The following NTM variants were observed in gnomAD, a reference collection of about 807,000 sequenced individuals.
The protein encoded by NTM is IgLON family member 2.
Under a neutral mutation model 42.1 loss-of-function variants are expected in NTM, and 13 were observed. The observed-to-expected ratio is 0.31, with a 90% CI of 0.20 to 0.49. The LOEUF is 0.49. Among genes scored for constraint, NTM ranks in the 20% least tolerant of loss-of-function variants. The pLI, the probability that NTM is intolerant of heterozygous loss-of-function variation, is 0.99. For synonymous variants in NTM, 187 were observed against 179.2 expected (o/e 1.04, Z -0.35); for missense variants, 373 against 452.8 (o/e 0.82, Z 1.60).
In NTM at chr11:131,829,490, G is replaced by A. The variant is rs116203282; in HGVS notation, c.83-82074G>A. Among the ~76,000 whole-genome samples the A allele has an allele frequency of 3.2e-3, 486 of 152,184 alleles. 1 individual carries two copies. The highest frequency in any genetic ancestry group is 0.011 in the African/African-American group (463 of 41,524). On this transcript the variant is annotated intron_variant, in intron 1 of 8. Coordinates refer to ENST00000683400, the MANE Select transcript of NTM (RefSeq NM_001352005.2). ...TCACTTAGGATAATGGTATCCAGCT[G>A]CATACATATTGCTGCAAAGGACATA... is the stretch of plus-strand genomic sequence containing the variant.
chr11:131,433,016 G>C (rs1000679900), intron 1 of NTM, among the ~76,000 whole-genome samples: 1 of 151,284 alleles, frequency 6.6e-6, no homozygotes, highest in African/African-American at 2.4e-5. Flanking sequence ...CACCACGCCC[G>C]GCTAATTTTT....
At chr11:131,387,375 C>G (rs1230643766) in intron 1 of NTM, among the ~76,000 whole-genome samples, 1 of 152,130 alleles carries the variant, frequency 6.6e-6, no homozygotes, top group Non-Finnish European at 1.5e-5. Flanking sequence ...ATCGCCCCAC[C>G]AAACACTGAA....
At chr11:132,303,451 T>A (rs2140140043) in intron 4 of NTM, among the ~76,000 whole-genome samples, 2 of 152,354 alleles carry the variant, frequency 1.3e-5, no homozygotes, top group South Asian at 4.1e-4. Context: ...TCTCTGTGCA[T>A]GTCTGCCCGA....
At chr11:131,472,680 G>A (rs888518549) in intron 1 of NTM, among the ~76,000 whole-genome samples, 1 of 152,178 alleles carries the variant, frequency 6.6e-6, no homozygotes, top group Admixed American at 6.5e-5. Context: ...GGGGGTAAGT[G>A]TAAAAAAGCT....
At chr11:131,725,812 G>C (rs2078896341) in intron 1 of NTM, among the ~76,000 whole-genome samples, 1 of 152,194 alleles carries the variant, frequency 6.6e-6, no homozygotes, top group South Asian at 2.1e-4. Context: ...AGATGCCTCT[G>C]GTTTGCGTGA....
Position 131,873,044 on chromosome 11 carries a change from G to A in NTM, c.83-38520G>A, listed in dbSNP as rs544666466. On this transcript the variant is annotated intron_variant, in intron 1 of 8. Transcript: ENST00000683400. Reference sequence around the variant, plus strand: ...TTTTTAATGATCGCCATTCTGACCGGTGTGAGACACATGCACATGTATGTT... The same window carrying A: ...TTTTTAATGATCGCCATTCTGACCGATGTGAGACACATGCACATGTATGTT... Among the ~76,000 whole-genome samples, 12 of 152,168 alleles carry A rather than the reference G, an allele frequency of 7.9e-5. No homozygotes were observed. In the Middle Eastern group the frequency reaches 0.017, roughly 216 times the overall value.
chr11:131,938,839 G>A (rs2059501557), intron 2 of NTM, among the ~76,000 whole-genome samples: 1 of 152,118 alleles, frequency 6.6e-6, no homozygotes, highest in Admixed American at 6.6e-5. Flanking sequence ...AAAAATCCAG[G>A]ATGACTTCCA....
intron 1 of NTM, among the ~76,000 whole-genome samples, chr11:131,650,816 C>A (rs1029993887): frequency 6.6e-6 from 1 of 152,094 alleles, no homozygotes; most frequent in East Asian, 1.9e-4. Context: ...AAGAAAATAT[C>A]GAGAAATCTC....
intron 1 of NTM, among the ~76,000 whole-genome samples, chr11:131,503,966 G>A (rs1565573900): frequency 6.6e-6 from 1 of 152,176 alleles, no homozygotes; most frequent in Non-Finnish European, 1.5e-5. Flanking sequence ...GGTCATTAGT[G>A]CTTTAAGGCC....
intron 4 of NTM, among the ~76,000 whole-genome samples, chr11:132,277,110 T>A (rs1386087959): frequency 1.3e-5 from 2 of 152,242 alleles, no homozygotes; most frequent in African/African-American, 4.8e-5. Flanking sequence ...AAGATAATTT[T>A]ACTTCTTCCT....
chr11:131,652,213 G>C (rs892632925), intron 1 of NTM, among the ~76,000 whole-genome samples: 3 of 152,220 alleles, frequency 2.0e-5, no homozygotes, highest in Non-Finnish European at 4.4e-5. Context: ...AAGAGCCTAA[G>C]AATGGAGGTA....
At chr11:132,293,075 C>T (rs923695436) in intron 4 of NTM, among the ~76,000 whole-genome samples, 5 of 151,676 alleles carry the variant, frequency 3.3e-5, no homozygotes, top group East Asian at 1.9e-4. Context: ...TACTTCTGGA[C>T]GAGGAGGTCA....
chr11:131,928,434 G>A (rs1447550725), intron 2 of NTM, among the ~76,000 whole-genome samples: 2 of 152,216 alleles, frequency 1.3e-5, no homozygotes, highest in African/African-American at 4.8e-5. Context: ...CGTTCTGGCT[G>A]TTGCCAGAAT....
At chr11:131,870,086 C>T (rs2047623557) in intron 1 of NTM, among the ~76,000 whole-genome samples, 1 of 152,176 alleles carries the variant, frequency 6.6e-6, no homozygotes, top group African/African-American at 2.4e-5. Context: ...GGATAGAAGC[C>T]TGGGAATTCT....
rs140953737 is a variant in NTM, at chr11:132,156,033, G to A, written c.400+9519G>A. Among the ~76,000 whole-genome samples, 79 of 152,232 alleles carry A rather than the reference G, an allele frequency of 5.2e-4. No individual in the cohort carries two copies. The East Asian group carries it at 0.015, about 28-fold the overall frequency. On this transcript the variant is annotated intron_variant, in intron 3 of 8. Transcript: ENST00000683400. Reference sequence around the variant, plus strand: ...AAGTCTTTTGAAATTGAGTAATGTGGCGTTTCAGCTCCCGACTGTTAGAAT... The same window carrying A: ...AAGTCTTTTGAAATTGAGTAATGTGACGTTTCAGCTCCCGACTGTTAGAAT...
At chr11:131,437,185 A>G (rs1338236832) in intron 1 of NTM, among the ~76,000 whole-genome samples, 2 of 152,130 alleles carry the variant, frequency 1.3e-5, no homozygotes, top group African/African-American at 4.8e-5. Flanking sequence ...ACATTTGCTG[A>G]GGAGTGCTTT....
At chr11:131,749,537 C>T (rs1356084086) in intron 1 of NTM, among the ~76,000 whole-genome samples, 1 of 152,182 alleles carries the variant, frequency 6.6e-6, no homozygotes, top group African/African-American at 2.4e-5. Flanking sequence ...GATCCCTTAG[C>T]CCCTGGGACA....
At chr11:131,445,243 C>T (rs928256711) in intron 1 of NTM, among the ~76,000 whole-genome samples, 3 of 152,176 alleles carry the variant, frequency 2.0e-5, no homozygotes, top group Non-Finnish European at 4.4e-5. Context: ...CGTACACTGC[C>T]CTGTACCCCT....
Position 131,917,761 on chromosome 11 carries a change from G to A in NTM, c.167+6113G>A, listed in dbSNP as rs368823822. Among the ~76,000 whole-genome samples the A allele has an allele frequency of 2.4e-4, 36 of 152,330 alleles. 2 individuals carry two copies. The highest frequency in any genetic ancestry group is 8.2e-4 in the African/African-American group (34 of 41,572). ...CTGCCCCCTCTCAGGACCCGCCACTGGGCACTCACCTCTGGGCTTGCCAGG... is the reference window on the plus strand; with the variant it reads ...CTGCCCCCTCTCAGGACCCGCCACTAGGCACTCACCTCTGGGCTTGCCAGG... On this transcript the variant is annotated intron_variant, in intron 2 of 8. Transcript: ENST00000683400.
Sources: allele counts gnomAD v4.1 joint callset (sites outside exome capture counted in the v4.1 genomes callset), GRCh38; gene constraint gnomAD v4.1.1; transcripts MANE v1.5; gene names NCBI Gene and HGNC (gene_info 2026-07-23, HGNC 2026-07-21).